PDS5A: variants seen among roughly 807,000 people sequenced by gnomAD.
The protein encoded by PDS5A is PDS5 cohesin associated factor A.
A neutral mutation model predicts 167.1 loss-of-function variants in PDS5A; 42 were observed. That is an observed-to-expected ratio of 0.25 (90% CI 0.20 to 0.33). PDS5A has a LOEUF of 0.33. PDS5A is among the 10% of genes least tolerant of loss of function. The probability of loss-of-function intolerance (pLI) is 1.00; values close to 1 mark genes in which losing one functional copy is unlikely to be tolerated. For synonymous variants in PDS5A, 553 were observed against 554.6 expected, an observed-to-expected ratio of 1.00 and a Z score of 0.04; for missense variants, 1,033 against 1,605.9, an observed-to-expected ratio of 0.64 and a Z score of 6.10.
chr4:39,826,441 T>C (rs1715321867), intron 32 of PDS5A, among the ~76,000 whole-genome samples: 1 of 151,696 alleles, frequency 6.6e-6, no homozygotes, highest in African/African-American at 2.4e-5. Flanking sequence ...GGCAAGGCAT[T>C]AGCAGCCCAA....
intron 26 of PDS5A, among the ~76,000 whole-genome samples, chr4:39,857,306 C>T (rs1560431208): frequency 6.7e-6 from 1 of 148,974 alleles, no homozygotes; most frequent in South Asian, 2.1e-4. Flanking sequence ...GAGCCGAGAT[C>T]GCGCCACTGC....
chr4:39,838,280 T>C, intron 31 of PDS5A, 72 bp from the exon 32 acceptor site: 2 of 1,140,922 alleles, frequency 1.8e-6, no homozygotes, highest in Non-Finnish European at 2.4e-6. Context: ...GAAAAGAGTG[T>C]TTTGAAAGTA....
chr4:39,856,390 A>T (rs1294979193), intron 26 of PDS5A, among the ~76,000 whole-genome samples: 7 of 152,234 alleles, frequency 4.6e-5, no homozygotes, highest in African/African-American at 1.7e-4. Flanking sequence ...GCTGAAATGA[A>T]AGAACACTAC....
chr4:39,902,625 C>T (rs1164454941), intron 12 of PDS5A, among the ~76,000 whole-genome samples, 165 bp from the exon 13 acceptor site: 2 of 151,430 alleles, frequency 1.3e-5, no homozygotes, highest in African/African-American at 2.4e-5. Flanking sequence ...CAGGTTCAAG[C>T]GATTCTCCCA....
intron 11 of PDS5A, among the ~76,000 whole-genome samples, chr4:39,907,837 C>T (rs1259995987): frequency 1.3e-5 from 2 of 152,138 alleles, no homozygotes; most frequent in Admixed American, 6.5e-5. Flanking sequence ...CCGCCCGCCT[C>T]GGCCTCCCAA....
At chr4:39,893,586 T>A (rs1315684556) in intron 16 of PDS5A, among the ~76,000 whole-genome samples, 1 of 152,210 alleles carries the variant, frequency 6.6e-6, no homozygotes, top group Non-Finnish European at 1.5e-5. Flanking sequence ...AACTAAATTT[T>A]ACATTTGCAT....
At chr4:39,966,529 G>A (rs993087863) in intron 2 of PDS5A, among the ~76,000 whole-genome samples, 1 of 152,026 alleles carries the variant, frequency 6.6e-6, no homozygotes, top group African/African-American at 2.4e-5. Flanking sequence ...TACACCTGGT[G>A]GGAAAAAACG....
intron 26 of PDS5A, among the ~76,000 whole-genome samples, chr4:39,861,405 C>A (rs1199015804): frequency 1.3e-5 from 2 of 151,960 alleles, no homozygotes; most frequent in Non-Finnish European, 2.9e-5. Flanking sequence ...TTGCAGTGAG[C>A]CAAGATCGTG....
intron 2 of PDS5A, among the ~76,000 whole-genome samples, chr4:39,955,324 G>T (rs1039158522): frequency 6.6e-6 from 1 of 152,080 alleles, no homozygotes; most frequent in African/African-American, 2.4e-5. Flanking sequence ...CTCTAGGGCC[G>T]GGCGTGGTGG....
chr4:39,879,579 C>CATTA, intron 18 of PDS5A, 149 bp downstream of exon 18: 1 of 503,066 alleles, frequency 2.0e-6, no homozygotes, highest in East Asian at 3.0e-5. Flanking sequence ...GTTGTAAAAA[C>CATTA]ATTACTTTTA....
chr4:39,842,381 A>G (rs1717107063), intron 30 of PDS5A, among the ~76,000 whole-genome samples: 1 of 152,182 alleles, frequency 6.6e-6, no homozygotes, highest in Non-Finnish European at 1.5e-5. Flanking sequence ...GGAATAGAAA[A>G]TCCTAAAACA....
At chr4:39,879,144 T>C (rs1242301468) in intron 18 of PDS5A, among the ~76,000 whole-genome samples, 3 of 152,164 alleles carry the variant, frequency 2.0e-5, no homozygotes, top group Admixed American at 2.0e-4. Flanking sequence ...GTCACAGTGG[T>C]ATCATGTCTC....
At chr4:39,873,767 G>C (rs1720245483) in intron 20 of PDS5A, among the ~76,000 whole-genome samples, 2 of 152,180 alleles carry the variant, frequency 1.3e-5, no homozygotes, top group African/African-American at 4.8e-5. Flanking sequence ...CATAAGGCTA[G>C]GTGTGGTGGC....
intron 2 of PDS5A, chr4:39,973,358 G>T: frequency 6.2e-7 from 1 of 1,604,806 alleles, no homozygotes; most frequent in Non-Finnish European, 8.5e-7. Context: ...ACTTGTGGCT[G>T]TGCATTAAGA....
In PDS5A at chr4:39,960,551, T is replaced by TG. The variant is rs1729386080; in HGVS notation, c.138+15888_138+15889insC. ...TCTATTGCAACAGTTATCTTGAACA[T>TG]TTTTTTTTTTTAAGAGACAGGGTCT... On this transcript the variant is annotated intron_variant, in intron 2 of 32. Coordinates refer to ENST00000303538, the MANE Select transcript of PDS5A (RefSeq NM_001100399.2). Among the ~76,000 whole-genome samples, 4 of 143,736 alleles carry TG rather than the reference T, an allele frequency of 2.8e-5. No individual in the cohort carries two copies. In the South Asian group the frequency reaches 8.7e-4, roughly 31 times the overall value. The allele number at this position is 143,736 out of a possible 152,430, so 94.3% of individuals were successfully genotyped here. A position where few individuals can be genotyped will look rare whatever the true frequency, so the allele number is the denominator to read the frequency against.
At chr4:39,923,656 C>CACACACACACAT (rs1725212981) in intron 5 of PDS5A, among the ~76,000 whole-genome samples, 1 of 151,680 alleles carries the variant, frequency 6.6e-6, no homozygotes, top group Non-Finnish European at 1.5e-5. Context: ...CACACACACA[C>CACACACACACAT]ACACACACAC....
rs58069502 is a variant in PDS5A at position 39,929,519 on chromosome 4, CTATATATATATATATATA to C, written c.139-1373_139-1356del. ...GCCTTGTGAGTTAATACTTAATAAACTATATATATATATATATATATATATATATATATATATCCCATT... is the reference window on the plus strand; with the variant it reads ...GCCTTGTGAGTTAATACTTAATAAACTATATATATATATATATATCCCATT... On this transcript the variant is annotated intron_variant, in intron 2 of 32. Coordinates refer to ENST00000303538, the MANE Select transcript of PDS5A (RefSeq NM_001100399.2). Among the ~76,000 whole-genome samples the C allele has an allele frequency of 4.8e-3, 380 of 79,406 alleles. 10 individuals carry two copies. Among genetic ancestry groups the C allele is most frequent in the African/African-American group, 0.031 (355 of 11,430 alleles). 52.1% of individuals were successfully genotyped at this position (79,406 alleles called of 152,430 possible). A position where few individuals can be genotyped will look rare whatever the true frequency, so the allele number is the denominator to read the frequency against.
At chr4:39,963,404 A>G (rs927764410) in intron 2 of PDS5A, among the ~76,000 whole-genome samples, 1 of 152,126 alleles carries the variant, frequency 6.6e-6, no homozygotes. Flanking sequence ...GGTTGCAGTA[A>G]GCCGAGATTG....
intron 2 of PDS5A, among the ~76,000 whole-genome samples, chr4:39,955,799 A>T (rs1052958182): frequency 2.7e-5 from 4 of 150,034 alleles, no homozygotes; most frequent in African/African-American, 9.8e-5. Context: ...AACTGCCCTA[A>T]AAAAAAAAGT....
Sources: gnomAD v4.1 joint callset for allele counts (sites outside exome capture counted in the v4.1 genomes callset) on GRCh38, gnomAD v4.1.1 for gene constraint, MANE v1.5 for transcripts, NCBI Gene and HGNC (gene_info 2026-07-23, HGNC 2026-07-21) for gene names.